Variants in RABGAP1L observed in about 807,000 individuals in gnomAD.
RABGAP1L encodes the protein rab GTPase-activating protein 1-like.
In RABGAP1L, 63 loss-of-function variants were observed where a neutral mutation model predicts 137.7. The ratio of observed to expected loss-of-function variants is 0.46; its 90% CI spans 0.37 to 0.56. The LOEUF is 0.56. RABGAP1L is among the 20% of genes least tolerant of loss of function. The probability of loss-of-function intolerance (pLI) is 0.00; values close to 1 mark genes in which losing one functional copy is unlikely to be tolerated. For missense variants in RABGAP1L, 1,095 were observed against 1,244.0 expected, an observed-to-expected ratio of 0.88 and a Z score of 1.80; for synonymous variants, 431 against 433.7, an observed-to-expected ratio of 0.99 and a Z score of 0.08.
At chr1:174,369,378 A>G (rs1400552838) in intron 11 of RABGAP1L, among the ~76,000 whole-genome samples, 1 of 152,090 alleles carries the variant, frequency 6.6e-6, no homozygotes, top group Non-Finnish European at 1.5e-5. Flanking sequence ...TTTGATAGAA[A>G]CAGGGTTTTA....
chr1:174,692,025 A>G (rs1678911533), intron 15 of RABGAP1L, among the ~76,000 whole-genome samples: 1 of 152,200 alleles, frequency 6.6e-6, no homozygotes, highest in South Asian at 2.1e-4. Context: ...TTGGAATAGA[A>G]TTACAGGAAA....
At chr1:174,350,500 G>T (rs1454963903) in intron 11 of RABGAP1L, among the ~76,000 whole-genome samples, 1 of 139,352 alleles carries the variant, frequency 7.2e-6, no homozygotes. Context: ...ATGGGCTGCC[G>T]GGCAGAGACG....
chr1:174,211,465 C>T (rs181289496), intron 1 of RABGAP1L, among the ~76,000 whole-genome samples: 142 of 151,966 alleles, frequency 9.3e-4, no homozygotes, highest in African/African-American at 3.1e-3. Flanking sequence ...CTCATTGTAA[C>T]CTTAAATCTA....
chr1:174,247,157 C>G (rs1237298239), intron 5 of RABGAP1L, among the ~76,000 whole-genome samples: 1 of 151,866 alleles, frequency 6.6e-6, no homozygotes, highest in African/African-American at 2.4e-5. Context: ...TTTGATATGG[C>G]CTTCTGATGT....
chr1:174,657,649 A>G (rs114901386), intron 14 of RABGAP1L, among the ~76,000 whole-genome samples: 3,253 of 152,160 alleles, frequency 0.021, 120 homozygotes, highest in African/African-American at 0.075. Flanking sequence ...CTGTTGTTGG[A>G]CACTTGGGTT....
chr1:174,720,409 GCTCAAGCACTCCTCCCAC>G (rs1681426858), intron 17 of RABGAP1L, among the ~76,000 whole-genome samples: 1 of 151,862 alleles, frequency 6.6e-6, no homozygotes, highest in Non-Finnish European at 1.5e-5. Flanking sequence ...TGCCTCCAGA[GCTCAAGCACTCCTCCCAC>G]CTCAGCTTCC....
intron 13 of RABGAP1L, among the ~76,000 whole-genome samples, chr1:174,394,693 C>G (rs935359437): frequency 6.6e-6 from 1 of 152,078 alleles, no homozygotes. Flanking sequence ...ACTCACCACC[C>G]TAGGTCTTAC....
chr1:174,545,617 G>C (rs560771060), intron 13 of RABGAP1L: 2 of 152,770 alleles, frequency 1.3e-5, no homozygotes, highest in Non-Finnish European at 2.9e-5. Context: ...CCAGTGAGAT[G>C]AACCCGGTAC....
At chr1:174,633,205 G>T (rs1303541709) in intron 13 of RABGAP1L, among the ~76,000 whole-genome samples, 1 of 149,240 alleles carries the variant, frequency 6.7e-6, no homozygotes, top group African/African-American at 2.5e-5. Context: ...CAAAATCAAT[G>T]TACAAAAATC....
At chr1:174,766,567 T>C (rs1685687620) in intron 18 of RABGAP1L, among the ~76,000 whole-genome samples, 1 of 152,250 alleles carries the variant, frequency 6.6e-6, no homozygotes, top group Non-Finnish European at 1.5e-5. Flanking sequence ...TTGTTTTGGC[T>C]ATTCCAGGTC....
At chr1:174,171,719 T>C (rs1665402222) in intron 1 of RABGAP1L, among the ~76,000 whole-genome samples, 1 of 150,328 alleles carries the variant, frequency 6.7e-6, no homozygotes, top group South Asian at 2.1e-4. Context: ...AAAAAAGGAT[T>C]TCGCTGGGTG....
chr1:174,200,477 G>A (rs1668018157), intron 1 of RABGAP1L, among the ~76,000 whole-genome samples: 1 of 152,196 alleles, frequency 6.6e-6, no homozygotes, highest in African/African-American at 2.4e-5. Flanking sequence ...TAGAAAACAT[G>A]TATATACAGA....
intron 6 of RABGAP1L, among the ~76,000 whole-genome samples, chr1:174,251,356 A>G (rs973763356): frequency 1.3e-5 from 2 of 151,830 alleles, no homozygotes; most frequent in African/African-American, 4.8e-5. Flanking sequence ...CCACTTAATT[A>G]ACCATTTCTT....
chr1:174,378,495 G>A (rs1388954463), intron 12 of RABGAP1L, among the ~76,000 whole-genome samples: 9 of 151,534 alleles, frequency 5.9e-5, no homozygotes, highest in Non-Finnish European at 1.0e-4. Flanking sequence ...GTGTGAGATG[G>A]TATCTCATTG....
intron 11 of RABGAP1L, among the ~76,000 whole-genome samples, chr1:174,321,007 T>A (rs1001579657): frequency 6.6e-6 from 1 of 152,134 alleles, no homozygotes; most frequent in Admixed American, 6.6e-5. Flanking sequence ...ATTGCTGAAC[T>A]CTTTTTCTCA....
chr1:174,854,715 CTTTTTTTTTTTTTTTTTTTTTTTTTTTT>C (rs71117584), intron 19 of RABGAP1L, among the ~76,000 whole-genome samples: 42 of 56,868 alleles, frequency 7.4e-4, no homozygotes, highest in East Asian at 9.0e-4. Context: ...AATATAAATG[CTTTTTTTTTTTTTTTTTTTTTTTTTTTT>C]TTTTTTTTTT....
chr1:174,804,432 G>A (rs1285921944), intron 18 of RABGAP1L, among the ~76,000 whole-genome samples: 1 of 151,710 alleles, frequency 6.6e-6, no homozygotes, highest in Non-Finnish European at 1.5e-5. Context: ...CACCATGCCT[G>A]GCTTATTTTT....
At chr1:174,599,121 AC>A (rs1389929764) in intron 13 of RABGAP1L, among the ~76,000 whole-genome samples, 4 of 152,014 alleles carry the variant, frequency 2.6e-5, no homozygotes, top group African/African-American at 9.7e-5. Context: ...TTTCAGGGTT[AC>A]CACAAGGCTT....
At chr1:174,898,033 A>G (rs1178209688) in intron 19 of RABGAP1L, 1 of 151,936 alleles carries the variant, frequency 6.6e-6, no homozygotes, top group Non-Finnish European at 1.5e-5. Flanking sequence ...CTTCATTCTC[A>G]CTGACTTCAA....
Sources: gnomAD v4.1 joint callset for allele counts (sites outside exome capture counted in the v4.1 genomes callset) on GRCh38, gnomAD v4.1.1 for gene constraint, MANE v1.5 for transcripts, NCBI Gene and HGNC (gene_info 2026-07-23, HGNC 2026-07-21) for gene names.